The following KANSL1 variants were observed in gnomAD, a reference collection of about 807,000 sequenced individuals.
KANSL1 encodes the protein MLL1/MLL complex subunit KANSL1.
KANSL1 carries 22 observed loss-of-function variants against 103.6 expected under a neutral mutation model. The observed-to-expected ratio is 0.21, with a 90% CI of 0.15 to 0.30. KANSL1 has a LOEUF of 0.30. Among genes scored for constraint, KANSL1 ranks in the 10% least tolerant of loss-of-function variants. The pLI is 1.00. For synonymous variants in KANSL1, 600 were observed against 527.6 expected, an observed-to-expected ratio of 1.14 and a Z score of -1.88; for missense variants, 1,337 against 1,399.8, an observed-to-expected ratio of 0.96 and a Z score of 0.72.
At chr17:46,175,091 C>A (rs2046455314) in intron 1 of KANSL1, among the ~76,000 whole-genome samples, 1 of 152,236 alleles carries the variant, frequency 6.6e-6, no homozygotes, top group South Asian at 2.1e-4. Context: ...GGACTAAGCA[C>A]CCCCCTCCCT....
intron 2 of KANSL1, among the ~76,000 whole-genome samples, chr17:46,145,775 C>CTGGAG (rs2044664009): frequency 6.6e-6 from 1 of 152,242 alleles, no homozygotes; most frequent in Non-Finnish European, 1.5e-5. Context: ...GTCACCCAGG[C>CTGGAG]TGGAGTGTAG....
chr17:46,056,359 G>A (rs1370795457), intron 6 of KANSL1, among the ~76,000 whole-genome samples: 1 of 151,960 alleles, frequency 6.6e-6, no homozygotes, highest in Admixed American at 6.6e-5. Context: ...AAAAAAAATT[G>A]TGAAGCAATA....
chr17:46,221,409 A>G (rs1198421527), intron 1 of KANSL1: 3 of 151,200 alleles, frequency 2.0e-5, no homozygotes, highest in Admixed American at 1.3e-4. Context: ...CCTTAGCCCT[A>G]ACCCTGACAA....
intron 6 of KANSL1, among the ~76,000 whole-genome samples, chr17:46,056,068 G>A (rs1038319171): frequency 2.0e-5 from 3 of 151,954 alleles, no homozygotes; most frequent in Non-Finnish European, 2.9e-5. Flanking sequence ...GTGCGATCTC[G>A]GCTCACTGCA....
intron 2 of KANSL1, among the ~76,000 whole-genome samples, chr17:46,159,974 T>C (rs1304680048): frequency 6.6e-6 from 1 of 152,244 alleles, no homozygotes; most frequent in Admixed American, 6.5e-5. Flanking sequence ...AGCAAAGCTA[T>C]GTGCCTTCAG....
chr17:46,213,484 T>TAA (rs1364261955), intron 1 of KANSL1, among the ~76,000 whole-genome samples: 12,626 of 150,440 alleles, frequency 0.084, 26 homozygotes, highest in Middle Eastern at 0.15. Flanking sequence ...TTTTTTTTTT[T>TAA]TTTTTAGTAG....
intron 2 of KANSL1, among the ~76,000 whole-genome samples, chr17:46,122,232 A>G (rs960174660): frequency 6.6e-6 from 1 of 152,200 alleles, no homozygotes; most frequent in African/African-American, 2.4e-5. Context: ...TAAAGGCTTC[A>G]AGCCCCTCTA....
chr17:46,093,422 T>C (rs958516803), intron 3 of KANSL1: 2 of 152,392 alleles, frequency 1.3e-5, no homozygotes, highest in African/African-American at 4.8e-5. Context: ...AATAAAAAAG[T>C]GAGCCCTCTG....
chr17:46,150,066 A>C (rs1350401339), intron 2 of KANSL1, among the ~76,000 whole-genome samples: 2 of 74,038 alleles, frequency 2.7e-5, no homozygotes, highest in Non-Finnish European at 4.2e-5. Flanking sequence ...TTTCCTTACC[A>C]AAAAAAAAAA....
Position 46,031,611 on chromosome 17 carries a change from G to C in KANSL1, c.3183C>G (p.Ala1061=). The C allele has an allele frequency of 6.2e-7, 1 of 1,614,088 alleles. No homozygotes were observed. Among genetic ancestry groups the C allele is most frequent in the Non-Finnish European group, 8.5e-7 (1 of 1,179,998 alleles). Residue 1061 remains alanine (A), a synonymous_variant, in exon 15 of 15, where the codon GCC becomes GCG. Coordinates refer to ENST00000432791, the MANE Select transcript of KANSL1 (RefSeq NM_015443.4). ...TGCCTGAGGTGCGTCGAGTGCAGCG[G>C]GCTGCTCGCTCCTGTGCATCCAGCT... ...EDQLDAQERA[A]RCTRRTSGSK...
chr17:46,097,598 T>C (rs1347627133), intron 2 of KANSL1, among the ~76,000 whole-genome samples: 7 of 152,250 alleles, frequency 4.6e-5, no homozygotes, highest in Admixed American at 3.3e-4. Flanking sequence ...GTGACAACAT[T>C]AACATTGTTT....
intron 1 of KANSL1, chr17:46,223,486 TAATC>T (rs1407103457): frequency 6.7e-6 from 1 of 148,732 alleles, no homozygotes; most frequent in Non-Finnish European, 1.5e-5. Flanking sequence ...TTCACACCGA[TAATC>T]AAAGAACAGT....
At chr17:46,176,993 T>C (rs577741339) in intron 1 of KANSL1, among the ~76,000 whole-genome samples, 2 of 152,330 alleles carry the variant, frequency 1.3e-5, no homozygotes, top group African/African-American at 2.4e-5. Context: ...ATTTATTGAC[T>C]TGACATACCT....
In KANSL1 at chr17:46,159,079, A is replaced by T. The variant is rs567846764; in HGVS notation, c.1289+11776T>A. Among the ~76,000 whole-genome samples, 76 of 152,354 alleles carry T rather than the reference A, an allele frequency of 5.0e-4. 1 individual carries two copies. The highest frequency in any genetic ancestry group is 1.8e-3 in the African/African-American group (74 of 41,572). On this transcript the variant is annotated intron_variant, in intron 2 of 14. Coordinates refer to ENST00000432791, the MANE Select transcript of KANSL1 (RefSeq NM_015443.4). ...TGCCTCATGAGAAAAGCAGGTGAGT[A>T]GGCCTGCTGGAGCTTTGCACTAACT...
intron 2 of KANSL1, among the ~76,000 whole-genome samples, chr17:46,125,479 G>A (rs982808558): frequency 6.6e-6 from 1 of 152,174 alleles, no homozygotes; most frequent in Non-Finnish European, 1.5e-5. Flanking sequence ...AGGTATGGCT[G>A]TATTTTCATA....
intron 6 of KANSL1, among the ~76,000 whole-genome samples, chr17:46,052,598 A>G (rs1485844903): frequency 6.6e-6 from 1 of 151,336 alleles, no homozygotes; most frequent in Non-Finnish European, 1.5e-5. Flanking sequence ...GAATGAGACT[A>G]AGTCCAAAGA....
At chr17:46,057,657 C>G (rs2077982021) in intron 6 of KANSL1, among the ~76,000 whole-genome samples, 1 of 151,898 alleles carries the variant, frequency 6.6e-6, no homozygotes, top group African/African-American at 2.4e-5. Flanking sequence ...TACTAGTTTT[C>G]AAGAAAAACA....
At position 46,105,947 on chromosome 17, in the gene KANSL1, A is replaced by ACACACC. The variant is rs1396276906; in HGVS notation, c.1290-11247_1290-11246insGGTGTG. ...CACACACACACACACACACACACAC[A>ACACACC]CCCCCCCAGAAGGGTGAAGGAGCAG... On this transcript the variant is annotated intron_variant, in intron 2 of 14. Transcript: ENST00000432791. Among the ~76,000 whole-genome samples the ACACACC allele has an allele frequency of 4.4e-3, 255 of 57,788 alleles. 4 individuals carry two copies. The highest frequency in any genetic ancestry group is 0.012 in the Admixed American group (79 of 6,432). 37.9% of individuals were successfully genotyped at this position (57,788 alleles called of 152,430 possible).
chr17:46,145,006 T>G lies in KANSL1; in HGVS notation c.1289+25849A>C, dbSNP rs182017110. On this transcript the variant is annotated intron_variant, in intron 2 of 14. Coordinates refer to ENST00000432791, the MANE Select transcript of KANSL1 (RefSeq NM_015443.4). ...AAACTGGGTTTCTGATTCTTAACAG[T>G]GAGAATGAAGTCAAGCTCCTTATTT... 2.0e-5 allele frequency among the ~76,000 whole-genome samples: 3 copies of G among 152,220 alleles called. No individual in the cohort carries two copies. The South Asian group carries it at 6.2e-4, about 31-fold the overall frequency.
Sources: gnomAD v4.1 joint callset for allele counts (sites outside exome capture counted in the v4.1 genomes callset) on GRCh38, gnomAD v4.1.1 for gene constraint, MANE v1.5 for transcripts, NCBI Gene and HGNC (gene_info 2026-07-23, HGNC 2026-07-21) for gene names.